Variants in RELN observed in about 807,000 individuals in gnomAD.
RELN encodes the protein reelin.
In RELN, 108 loss-of-function variants were observed where a neutral mutation model predicts 427.6. That is an observed-to-expected ratio of 0.25 (90% confidence interval 0.22 to 0.30). RELN has a LOEUF of 0.30. Among genes scored for constraint, RELN ranks in the 10% least tolerant of loss-of-function variants. The probability of loss-of-function intolerance (pLI) is 1.00; values close to 1 mark genes in which losing one functional copy is unlikely to be tolerated. For synonymous variants in RELN, 1,524 were observed against 1,513.4 expected, an observed-to-expected ratio of 1.01 and a Z score of -0.16; for missense variants, 3,715 against 4,302.8, an observed-to-expected ratio of 0.86 and a Z score of 3.82.
intron 38 of RELN, among the ~76,000 whole-genome samples, chr7:103,556,445 A>G (rs1382137948): frequency 7.0e-6 from 1 of 141,928 alleles, no homozygotes; most frequent in Non-Finnish European, 1.5e-5. Context: ...ATATATATAT[A>G]TGTTAAATAT....
chr7:103,708,464 C>CTTTTTTTTTTGTTTTTTT (rs1789695782), intron 8 of RELN, among the ~76,000 whole-genome samples: 1 of 110,104 alleles, frequency 9.1e-6, no homozygotes, highest in African/African-American at 4.4e-5. Context: ...GGGTATGACT[C>CTTTTTTTTTTGTTTTTTT]TTTTTTTTTT....
In RELN at chr7:103,573,147, C is replaced by G. The variant is rs1359953282; in HGVS notation, c.4512-887G>C. On this transcript the variant is annotated intron_variant, in intron 30 of 64. Transcript: ENST00000428762. The surrounding 1 kb of genome is among the most constrained non-coding windows in gnomAD (Gnocchi z 4.4). ...AGAGACAGGGTTTTGCCATGTTGGC[C>G]AGGAGCTGGTCTTGAATTCCTGACC... Among the ~76,000 whole-genome samples the G allele has an allele frequency of 6.6e-6, 1 of 152,200 alleles. No homozygotes were observed. The highest frequency in any genetic ancestry group is 1.5e-5 in the Non-Finnish European group (1 of 68,030).
chr7:103,888,789 T>G (rs1348019142), intron 2 of RELN, among the ~76,000 whole-genome samples: 1 of 152,184 alleles, frequency 6.6e-6, no homozygotes, highest in Non-Finnish European at 1.5e-5. Context: ...GAGCCAGATT[T>G]CAGCCCCACT....
rs1390787296 is a variant in RELN, at chr7:103,660,392, A to G, written c.1441+984T>C. ...TTGTCCTTAAATGTGAGACTATATT[A>G]CTTTATTTTATATGCACAATTTCTC... On this transcript the variant is annotated intron_variant, in intron 12 of 64. Coordinates refer to ENST00000428762, the MANE Select transcript of RELN (RefSeq NM_005045.4). Among the ~76,000 whole-genome samples, 4 of 152,304 alleles carry G rather than the reference A, an allele frequency of 2.6e-5. No homozygotes were observed. In the East Asian group the frequency reaches 7.7e-4, roughly 29 times the overall value.
At chr7:103,660,474 G>A (rs1247592524) in intron 12 of RELN, among the ~76,000 whole-genome samples, 2 of 152,178 alleles carry the variant, frequency 1.3e-5, no homozygotes, top group African/African-American at 2.4e-5. Flanking sequence ...TAATATGCTT[G>A]AGAGCATGAT....
chr7:103,909,693 AT>A (rs1237685983), intron 2 of RELN, among the ~76,000 whole-genome samples: 3 of 62,968 alleles, frequency 4.8e-5, no homozygotes, highest in African/African-American at 2.9e-4. Context: ...TAATAAATAT[AT>A]ATATTTAATA....
In RELN at chr7:103,691,556, T is replaced by C. The variant is rs148252413; in HGVS notation, c.1143+6297A>G. On this transcript the variant is annotated intron_variant, in intron 10 of 64. Coordinates refer to ENST00000428762, the MANE Select transcript of RELN (RefSeq NM_005045.4). ...GGCCAGGAGCAGTGGCTCACACCTG[T>C]AATCCCAGCACTTTAAGAGGCTGAG... Among the ~76,000 whole-genome samples, 123 of 152,276 alleles carry C rather than the reference T, an allele frequency of 8.1e-4. No individual in the cohort carries two copies. In the South Asian group the frequency reaches 0.013, roughly 16 times the overall value.
intron 2 of RELN, among the ~76,000 whole-genome samples, chr7:103,839,948 T>A (rs944951936): frequency 2.0e-5 from 3 of 152,194 alleles, no homozygotes; most frequent in African/African-American, 7.2e-5. Flanking sequence ...ATTTCCCTCT[T>A]GCTGTTCTCG....
chr7:103,836,240 G>A lies in RELN; in HGVS notation c.338-2568C>T, dbSNP rs111298347. On this transcript the variant is annotated intron_variant, in intron 2 of 64. Coordinates refer to ENST00000428762, the MANE Select transcript of RELN (RefSeq NM_005045.4). ...CTCCCAAAATGCCAGGTTTACAGGC[G>A]TCAGCCACCGCACCCGGCCTACCTC... Among the ~76,000 whole-genome samples the A allele has an allele frequency of 4.7e-3, 711 of 152,182 alleles. 6 individuals are homozygous for A. Among genetic ancestry groups the A allele is most frequent in the African/African-American group, 0.016 (679 of 41,518 alleles).
chr7:103,586,852 C>T (rs1831284874), intron 28 of RELN, among the ~76,000 whole-genome samples: 2 of 150,624 alleles, frequency 1.3e-5, no homozygotes, highest in Admixed American at 1.3e-4. Context: ...ACAAGGAAAA[C>T]TAGAAAACAC....
At chr7:103,582,583 C>A (rs1026907849) in intron 28 of RELN, among the ~76,000 whole-genome samples, 2 of 152,116 alleles carry the variant, frequency 1.3e-5, no homozygotes, top group Non-Finnish European at 2.9e-5. Context: ...CATCCTTAAC[C>A]AAAGAAATTC....
intron 58 of RELN, 77 bp from the exon 59 acceptor site, chr7:103,490,906 T>A: frequency 6.9e-7 from 1 of 1,442,108 alleles, no homozygotes; most frequent in East Asian, 2.3e-5. Flanking sequence ...TAATGCTTTG[T>A]GATCGGGTTA....
intron 8 of RELN, among the ~76,000 whole-genome samples, chr7:103,714,447 G>A (rs1047416252): frequency 4.6e-5 from 7 of 152,138 alleles, no homozygotes; most frequent in Non-Finnish European, 8.8e-5. Flanking sequence ...CTCTGATCAC[G>A]GGTAAAATAA....
chr7:103,665,041 T>C (rs1469785299), intron 11 of RELN, among the ~76,000 whole-genome samples: 4 of 152,168 alleles, frequency 2.6e-5, no homozygotes, highest in Admixed American at 2.6e-4. Flanking sequence ...TACTCGTCTA[T>C]ATTTTCTTCT....
Position 103,989,300 on chromosome 7 carries a change from C to T in RELN, c.57G>A (p.Ala19=), listed in dbSNP as rs1327875814. 1.2e-6 allele frequency: 2 copies of T among 1,612,482 alleles called. No homozygotes were observed. Among genetic ancestry groups the T allele is most frequent in the African/African-American group, 2.7e-5 (2 of 74,802 alleles). Residue 19 remains alanine (A), a synonymous_variant, in exon 1 of 65, where the codon GCG becomes GCA. Transcript: ENST00000428762. This position sits in a 1 kb window ranked among gnomAD's most constrained non-coding sequence, Gnocchi z 4.9. Reference sequence around the variant, plus strand: ...CAGCCGCCGCGCGCGCCCTCAGCGTCGCCCCCAGCAACAGCGCTAGGAGGA... The same window carrying T: ...CAGCCGCCGCGCGCGCCCTCAGCGTTGCCCCCAGCAACAGCGCTAGGAGGA... ...QTFLLALLLG[A]TLRARAAAGY... is the part of the protein sequence containing the mutation.
At chr7:103,566,831 G>T in intron 31 of RELN, 72 bp from the exon 32 acceptor site, 1 of 1,462,184 alleles carries the variant, frequency 6.8e-7, no homozygotes, top group Non-Finnish European at 9.6e-7. Context: ...TTCTTAAATG[G>T]TGAGACTGCA....
chr7:103,710,991 C>G (rs1789781689), intron 8 of RELN, among the ~76,000 whole-genome samples: 1 of 152,166 alleles, frequency 6.6e-6, no homozygotes, highest in African/African-American at 2.4e-5. Context: ...TTGCAGTGAG[C>G]CGAGAGCACG....
At chr7:103,850,453 C>A (rs895289020) in intron 2 of RELN, among the ~76,000 whole-genome samples, 1 of 152,222 alleles carries the variant, frequency 6.6e-6, no homozygotes, top group African/African-American at 2.4e-5. Context: ...TGGGAGCTCG[C>A]TGGGTTGCCA....
chr7:103,862,428 T>TATCTATCTATCTATCC (rs1794093689), intron 2 of RELN, among the ~76,000 whole-genome samples: 1 of 146,986 alleles, frequency 6.8e-6, no homozygotes, highest in South Asian at 2.1e-4. Flanking sequence ...TCTATCTATC[T>TATCTATCTATCTATCC]ATCTATCTAT....
Sources: gnomAD v4.1 joint callset for allele counts (sites outside exome capture counted in the v4.1 genomes callset) on GRCh38, gnomAD v4.1.1 for gene constraint, Gnocchi (gnomAD v3.1) non-coding constraint, MANE v1.5 for transcripts, NCBI Gene and HGNC (gene_info 2026-07-23, HGNC 2026-07-21) for gene names.